The following CCZ1B variants were observed in gnomAD, a reference collection of about 807,000 sequenced individuals.
CCZ1B encodes the protein vacuolar fusion protein CCZ1 homolog B.
In CCZ1B, 25 loss-of-function variants were observed where a neutral mutation model predicts 58.8. The ratio of observed to expected loss-of-function variants is 0.43; its 90% CI spans 0.31 to 0.59. CCZ1B has a LOEUF of 0.59. Ranked by LOEUF, CCZ1B falls within the 20% of genes least tolerant of loss-of-function variation. CCZ1B has a pLI of 0.12. For missense variants in CCZ1B, 180 were observed against 501.5 expected, an observed-to-expected ratio of 0.36 and a Z score of 6.12; for synonymous variants, 66 against 173.2, an observed-to-expected ratio of 0.38 and a Z score of 4.86.
intron 8 of CCZ1B, among the ~76,000 whole-genome samples, 199 bp from the exon 9 acceptor site, chr7:6,813,236 G>A (rs906831408): frequency 2.7e-5 from 4 of 149,398 alleles, no homozygotes; most frequent in African/African-American, 1.0e-4. Flanking sequence ...CTAGGCTCAA[G>A]CAACCCTCCC....
chr7:6,812,495 CAAAAAAA>C (rs1171967639), intron 9 of CCZ1B: 34 of 85,516 alleles, frequency 4.0e-4, no homozygotes, highest in South Asian at 1.6e-3. Flanking sequence ...CACTCCATCT[CAAAAAAA>C]AAAAAAAAAA....
At chr7:6,809,868 G>A (rs1332671288) in intron 10 of CCZ1B, among the ~76,000 whole-genome samples, 15 of 145,400 alleles carry the variant, frequency 1.0e-4, no homozygotes, top group African/African-American at 1.6e-4. Flanking sequence ...TCCTTGTACC[G>A]TCTCACACAT....
Position 6,814,893 on chromosome 7 carries a change from G to C in CCZ1B, c.699-48C>G, listed in dbSNP as rs373962454. Reference sequence around the variant, plus strand: ...GGTTAAACGTTTCGAACTGTCTTCTGTCTTTCCACTGCTGTGATAAAGCTC... The same window carrying C: ...GGTTAAACGTTTCGAACTGTCTTCTCTCTTTCCACTGCTGTGATAAAGCTC... On this transcript the variant is annotated intron_variant, in intron 7 of 14. Coordinates refer to ENST00000316731, the MANE Select transcript of CCZ1B (RefSeq NM_198097.5). The C allele has an allele frequency of 3.6e-5, 51 of 1,415,458 alleles. 2 individuals are homozygous for C. Among genetic ancestry groups the C allele is most frequent in the Non-Finnish European group, 4.6e-5 (48 of 1,036,034 alleles). The allele number at this position is 1,415,458 out of a possible 1,614,324, so 87.7% of individuals were successfully genotyped here. A position where few individuals can be genotyped will look rare whatever the true frequency, so the allele number is the denominator to read the frequency against.
intron 10 of CCZ1B, among the ~76,000 whole-genome samples, chr7:6,807,626 CGAA>C (rs1269977536): frequency 1.3e-5 from 2 of 151,066 alleles, no homozygotes; most frequent in Non-Finnish European, 3.0e-5. Flanking sequence ...ACAGGAAAAA[CGAA>C]GGAGTATCCG....
chr7:6,816,797 G>C (rs1355428476), intron 7 of CCZ1B, among the ~76,000 whole-genome samples: 2 of 151,760 alleles, frequency 1.3e-5, no homozygotes, highest in African/African-American at 2.4e-5. Flanking sequence ...CTGTCACCCA[G>C]GCTGGAGTAC....
intron 14 of CCZ1B, among the ~76,000 whole-genome samples, chr7:6,800,533 G>A (rs1460926552): frequency 1.4e-5 from 2 of 138,392 alleles, no homozygotes; most frequent in Non-Finnish European, 3.1e-5. Context: ...ACATGCCTTG[G>A]TGATACATGC....
At chr7:6,800,491 A>C (rs904343783) in intron 14 of CCZ1B, among the ~76,000 whole-genome samples, 2 of 140,674 alleles carry the variant, frequency 1.4e-5, no homozygotes, top group Non-Finnish European at 3.0e-5. Flanking sequence ...TCTGTTTCAA[A>C]AAAAAAAAAG....
intron 6 of CCZ1B, among the ~76,000 whole-genome samples, chr7:6,821,860 T>C (rs1783116668): frequency 1.3e-5 from 2 of 150,094 alleles, no homozygotes; most frequent in African/African-American, 5.0e-5. Flanking sequence ...CAATAACTCT[T>C]ACCTACATCA....
At chr7:6,816,696 A>T (rs970486363) in intron 7 of CCZ1B, among the ~76,000 whole-genome samples, 2 of 150,446 alleles carry the variant, frequency 1.3e-5, no homozygotes, top group African/African-American at 2.5e-5. Flanking sequence ...CGCCTGGCTT[A>T]AAAGTCTTTT....
chr7:6,819,020 C>T (rs1252771055), intron 7 of CCZ1B, among the ~76,000 whole-genome samples: 1 of 144,040 alleles, frequency 6.9e-6, no homozygotes, highest in African/African-American at 2.7e-5. Flanking sequence ...TGCAGTGGCT[C>T]GTGCCTGTAA....
intron 8 of CCZ1B, among the ~76,000 whole-genome samples, chr7:6,813,482 G>A (rs1782949947): frequency 1.3e-5 from 2 of 149,214 alleles, no homozygotes; most frequent in Admixed American, 6.7e-5. Flanking sequence ...GGAGGCTGAG[G>A]TGACAGGACC....
chr7:6,817,669 T>C lies in CCZ1B; in HGVS notation c.698+2097A>G, dbSNP rs571482860. On this transcript the variant is annotated intron_variant, in intron 7 of 14. Transcript: ENST00000316731. Reference sequence around the variant, plus strand: ...GTGTACATATCACAGAAAGCAACTATAGCTGAGTCAGTACAGCGTAAGGTT... The same window carrying C: ...GTGTACATATCACAGAAAGCAACTACAGCTGAGTCAGTACAGCGTAAGGTT... Among the ~76,000 whole-genome samples, 97 of 149,940 alleles carry C rather than the reference T, an allele frequency of 6.5e-4. 9 individuals are homozygous for C. Among genetic ancestry groups the C allele is most frequent in the African/African-American group, 2.4e-3 (96 of 39,924 alleles).
intron 4 of CCZ1B, chr7:6,823,832 C>T (rs1783153608): frequency 7.1e-6 from 3 of 422,510 alleles, no homozygotes; most frequent in Non-Finnish European, 1.2e-5. Context: ...AGTGTTTAAA[C>T]TCTAATTTGT....
At chr7:6,813,545 T>C (rs2115117956) in intron 8 of CCZ1B, among the ~76,000 whole-genome samples, 1 of 149,236 alleles carries the variant, frequency 6.7e-6, no homozygotes, top group East Asian at 1.9e-4. Context: ...AGACCTCATC[T>C]CTTAAAAAAA....
rs1491539880 is a variant in CCZ1B, at chr7:6,808,397, AAC to A, written c.955-2362_955-2361del. ...AAACCAAAAAACCAAAAAAAAAAAA[AAC>A]AAAAAACAAAACAAAAACCCAAAAA... On this transcript the variant is annotated intron_variant, in intron 10 of 14. Coordinates refer to ENST00000316731, the MANE Select transcript of CCZ1B (RefSeq NM_198097.5). Among the ~76,000 whole-genome samples the A allele has an allele frequency of 8.9e-5, 6 of 67,480 alleles. No individual in the cohort carries two copies. The East Asian group carries it at 2.4e-3, about 27-fold the overall frequency. The allele number at this position is 67,480 out of a possible 152,430, so 44.3% of individuals were successfully genotyped here. A position where few individuals can be genotyped will look rare whatever the true frequency, so the allele number is the denominator to read the frequency against.
chr7:6,808,240 G>A lies in CCZ1B; in HGVS notation c.955-2203C>T, dbSNP rs1159930934. Among the ~76,000 whole-genome samples, 4 of 125,746 alleles carry A rather than the reference G, an allele frequency of 3.2e-5. 1 individual carries two copies. Among genetic ancestry groups the A allele is most frequent in the African/African-American group, 1.1e-4 (4 of 37,808 alleles). 82.5% of individuals were successfully genotyped at this position (125,746 alleles called of 152,430 possible). A position where few individuals can be genotyped will look rare whatever the true frequency, so the allele number is the denominator to read the frequency against. On this transcript the variant is annotated intron_variant, in intron 10 of 14. Coordinates refer to ENST00000316731, the MANE Select transcript of CCZ1B (RefSeq NM_198097.5). ...TCTCTGGATCTCGAGGCTCAGGTGA[G>A]CTTCCCTGGATGTCAACACTCCACA...
chr7:6,810,761 G>T (rs1488358645), intron 10 of CCZ1B, among the ~76,000 whole-genome samples: 1 of 149,494 alleles, frequency 6.7e-6, no homozygotes, highest in African/African-American at 2.5e-5. Context: ...TATATTAATA[G>T]ATACAACTCT....
At chr7:6,820,686 C>T (rs1287633766) in intron 6 of CCZ1B, among the ~76,000 whole-genome samples, 1 of 148,736 alleles carries the variant, frequency 6.7e-6, no homozygotes, top group African/African-American at 2.5e-5. Flanking sequence ...CTTTGGGAGG[C>T]CAAGGCGGGC....
chr7:6,824,859 C>G, intron 1 of CCZ1B, 122 bp from the exon 2 acceptor site: 2 of 1,329,576 alleles, frequency 1.5e-6, no homozygotes, highest in Non-Finnish European at 1.0e-6. Flanking sequence ...AAAACAAAAA[C>G]CGGTTTTAGA....
Sources: gnomAD v4.1 joint callset for allele counts (sites outside exome capture counted in the v4.1 genomes callset) on GRCh38, gnomAD v4.1.1 for gene constraint, MANE v1.5 for transcripts, NCBI Gene and HGNC (gene_info 2026-07-23, HGNC 2026-07-21) for gene names.